The following FRMD6 variants were observed in gnomAD, a reference collection of about 807,000 sequenced individuals.
FRMD6 encodes the protein FERM domain containing 6.
In FRMD6, 37 loss-of-function variants were observed where a neutral mutation model predicts 73.2. The observed-to-expected ratio is 0.51, with a 90% CI of 0.39 to 0.66. The LOEUF is 0.66. Ranked by LOEUF, FRMD6 falls within the 30% of genes least tolerant of loss-of-function variation. The probability of loss-of-function intolerance (pLI) is 0.00; values close to 1 mark genes in which losing one functional copy is unlikely to be tolerated. For synonymous variants in FRMD6, 273 were observed against 282.2 expected (o/e 0.97, Z 0.33); for missense variants, 714 against 780.5 (o/e 0.91, Z 1.02).
chr14:51,663,402 G>T (rs1893364813), intron 1 of FRMD6, among the ~76,000 whole-genome samples: 1 of 152,178 alleles, frequency 6.6e-6, no homozygotes, highest in Admixed American at 6.5e-5. Flanking sequence ...AGAAAATGTG[G>T]TACATATATA....
At chr14:51,559,510 G>A (rs1386125219) in intron 1 of FRMD6, among the ~76,000 whole-genome samples, 1 of 145,692 alleles carries the variant, frequency 6.9e-6, no homozygotes. Flanking sequence ...AGCCTTCCTT[G>A]TGATAAATTC....
upstream of FRMD6, among the ~76,000 whole-genome samples, chr14:51,486,913 G>T (rs1057514099): frequency 4.0e-5 from 6 of 151,190 alleles, no homozygotes; most frequent in South Asian, 2.1e-4. Flanking sequence ...CAAGTTTCAG[G>T]ATAGTATATA....
chr14:51,403,087 A>G, the FRMD6 span, among the ~76,000 whole-genome samples: 1 of 152,206 alleles, frequency 6.6e-6, no homozygotes, highest in Non-Finnish European at 1.5e-5. Flanking sequence ...TTTGGAAAGT[A>G]TATGATGCTT....
intron 2 of FRMD6, among the ~76,000 whole-genome samples, chr14:51,642,605 T>C (rs985822108): frequency 2.6e-5 from 4 of 152,178 alleles, no homozygotes; most frequent in African/African-American, 9.6e-5. Flanking sequence ...AAAGCTTGAT[T>C]ACTTTACCTG....
intron 10 of FRMD6, among the ~76,000 whole-genome samples, chr14:51,716,643 C>T (rs949395340): frequency 7.2e-5 from 11 of 152,150 alleles, no homozygotes; most frequent in African/African-American, 2.2e-4. Context: ...AATTTCGTAG[C>T]GATTAGAACA....
At chr14:51,558,662 T>G (rs1566813469) in intron 1 of FRMD6, among the ~76,000 whole-genome samples, 1 of 152,078 alleles carries the variant, frequency 6.6e-6, no homozygotes, top group Non-Finnish European at 1.5e-5. Context: ...AAATATAATT[T>G]AATCTTTTTT....
chr14:51,576,923 A>G (rs1888437898), intron 2 of FRMD6, among the ~76,000 whole-genome samples: 1 of 152,198 alleles, frequency 6.6e-6, no homozygotes. Context: ...AATGGGTTGT[A>G]AGAATCAGAT....
At chr14:51,716,422 TTG>T (rs887324225) in intron 10 of FRMD6, among the ~76,000 whole-genome samples, 8 of 152,152 alleles carry the variant, frequency 5.3e-5, no homozygotes, top group Non-Finnish European at 1.0e-4. Context: ...TTTGGTGTAT[TTG>T]TGTGAATATC....
upstream of FRMD6, among the ~76,000 whole-genome samples, chr14:51,485,553 C>T (rs1279301309): frequency 6.6e-6 from 1 of 152,172 alleles, no homozygotes; most frequent in Non-Finnish European, 1.5e-5. Context: ...GTACACCATT[C>T]CTGTTTGAGG....
the FRMD6 span, among the ~76,000 whole-genome samples, chr14:51,478,910 C>A: frequency 6.6e-6 from 1 of 151,602 alleles, no homozygotes; most frequent in Non-Finnish European, 1.5e-5. Context: ...CCATAGTTGT[C>A]AAAAGAAAAA....
At chr14:51,464,217 A>G in the FRMD6 span, among the ~76,000 whole-genome samples, 7 of 152,226 alleles carry the variant, frequency 4.6e-5, no homozygotes, top group Non-Finnish European at 8.8e-5. Context: ...GAGAACAGCA[A>G]AAGAAACAGC....
the FRMD6 span, among the ~76,000 whole-genome samples, chr14:51,411,508 C>T: frequency 1.3e-5 from 2 of 152,178 alleles, no homozygotes; most frequent in African/African-American, 4.8e-5. Context: ...CTTGGGGAAC[C>T]TCCCCCTTAC....
At chr14:51,490,340 G>A (rs1439548500) in intron 1 of FRMD6, among the ~76,000 whole-genome samples, 1 of 152,174 alleles carries the variant, frequency 6.6e-6, no homozygotes, top group East Asian at 1.9e-4. Flanking sequence ...GAGGCTATCT[G>A]TTGTTTGCCA....
At chr14:51,591,193 T>C (rs1391026496) in intron 2 of FRMD6, among the ~76,000 whole-genome samples, 1 of 152,154 alleles carries the variant, frequency 6.6e-6, no homozygotes, top group Non-Finnish European at 1.5e-5. Context: ...ACTGCGTCTT[T>C]GTGTAAATTA....
chr14:51,615,553 C>T (rs1309043118), intron 2 of FRMD6, among the ~76,000 whole-genome samples: 3 of 152,186 alleles, frequency 2.0e-5, no homozygotes, highest in African/African-American at 7.2e-5. Context: ...CACTCACAGC[C>T]AGTTAGACCA....
chr14:51,665,216 T>C (rs1357101633), intron 1 of FRMD6, among the ~76,000 whole-genome samples: 2 of 152,208 alleles, frequency 1.3e-5, no homozygotes, highest in Non-Finnish European at 2.9e-5. Flanking sequence ...GCAAGGTCTG[T>C]TGTAGCAACA....
intron 1 of FRMD6, among the ~76,000 whole-genome samples, chr14:51,685,451 T>C (rs1895086876): frequency 6.6e-6 from 1 of 152,180 alleles, no homozygotes. Context: ...AGCAGGGTAT[T>C]TTTGTTAGTG....
chr14:51,653,681 G>A (rs151233716), intron 1 of FRMD6, among the ~76,000 whole-genome samples: 3 of 152,312 alleles, frequency 2.0e-5, no homozygotes, highest in African/African-American at 7.2e-5. Flanking sequence ...GATGTCCTTT[G>A]TAGTATAAAA....
At chr14:51,603,013 G>T (rs1300362004) in intron 2 of FRMD6, among the ~76,000 whole-genome samples, 1 of 152,190 alleles carries the variant, frequency 6.6e-6, no homozygotes, top group Admixed American at 6.5e-5. Context: ...GGTATTAGGT[G>T]ATGGGGTTTT....
Sources: allele counts gnomAD v4.1 joint callset (sites outside exome capture counted in the v4.1 genomes callset), GRCh38; gene constraint gnomAD v4.1.1; transcripts MANE v1.5; gene names NCBI Gene and HGNC (gene_info 2026-07-23, HGNC 2026-07-21).